The following TENM3 variants were observed in gnomAD, a reference collection of about 807,000 sequenced individuals.
TENM3 encodes the protein teneurin transmembrane protein 3.
TENM3 carries 63 observed loss-of-function variants against 255.1 expected under a neutral mutation model. The observed-to-expected ratio is 0.25, with a 90% CI of 0.20 to 0.30. The LOEUF is 0.30. Among genes scored for constraint, TENM3 ranks in the 10% least tolerant of loss-of-function variants. TENM3 has a pLI of 1.00. For synonymous variants in TENM3, 1,306 were observed against 1,322.3 expected, an observed-to-expected ratio of 0.99 and a Z score of 0.27; for missense variants, 2,929 against 3,461.1, an observed-to-expected ratio of 0.85 and a Z score of 3.86.
intron 15 of TENM3, 32 bp downstream of exon 15, chr4:182,730,351 G>T (rs928937993): frequency 6.2e-7 from 1 of 1,609,920 alleles, no homozygotes; most frequent in South Asian, 1.1e-5. Flanking sequence ...ATCTCTGAAG[G>T]ATTTGAAATA....
chr4:181,994,750 C>G, the TENM3 span, among the ~76,000 whole-genome samples: 1 of 151,834 alleles, frequency 6.6e-6, no homozygotes, highest in African/African-American at 2.4e-5. Context: ...TGTTAGTCTC[C>G]AAGATTAAAG....
chr4:182,689,188 G>A (rs1371402094), intron 12 of TENM3, among the ~76,000 whole-genome samples: 2 of 152,054 alleles, frequency 1.3e-5, no homozygotes, highest in Non-Finnish European at 1.5e-5. Context: ...TAAGTGGCAC[G>A]GTCCTACCAA....
chr4:181,829,991 C>T, the TENM3 span: 1 of 152,246 alleles, frequency 6.6e-6, no homozygotes, highest in South Asian at 2.1e-4. Flanking sequence ...AGGTGTGCTT[C>T]TGGGGTCCCT....
intron 1 of TENM3, among the ~76,000 whole-genome samples, chr4:182,170,744 T>C (rs1435047337): frequency 1.3e-5 from 2 of 152,226 alleles, no homozygotes; most frequent in African/African-American, 2.4e-5. Context: ...GTAAGATTTA[T>C]AGCAGAAATT....
At chr4:182,064,798 A>G in the TENM3 span, among the ~76,000 whole-genome samples, 1 of 152,252 alleles carries the variant, frequency 6.6e-6, no homozygotes, top group Admixed American at 6.5e-5. Flanking sequence ...ACGAGGACAC[A>G]ACAGGAGTGT....
At chr4:182,512,708 G>A (rs1289363780) in intron 3 of TENM3, among the ~76,000 whole-genome samples, 1 of 152,128 alleles carries the variant, frequency 6.6e-6, no homozygotes, top group Non-Finnish European at 1.5e-5. Context: ...CCAGATAGTC[G>A]TGACCTGGTC....
chr4:182,004,095 T>A, the TENM3 span, among the ~76,000 whole-genome samples: 1 of 151,582 alleles, frequency 6.6e-6, no homozygotes, highest in African/African-American at 2.4e-5. Flanking sequence ...TTATTTCTTC[T>A]AAAAAAACAA....
At chr4:181,503,840 G>A in the TENM3 span, among the ~76,000 whole-genome samples, 4 of 152,180 alleles carry the variant, frequency 2.6e-5, no homozygotes, top group Admixed American at 6.5e-5. Flanking sequence ...GACCACAGTA[G>A]CTGCATTCGC....
chr4:181,499,822 T>C, the TENM3 span, among the ~76,000 whole-genome samples: 1 of 152,134 alleles, frequency 6.6e-6, no homozygotes, highest in Non-Finnish European at 1.5e-5. Context: ...GTTTTATACT[T>C]GGGATAAAAG....
the TENM3 span, among the ~76,000 whole-genome samples, chr4:181,604,076 A>C: frequency 6.6e-6 from 1 of 152,124 alleles, no homozygotes; most frequent in African/African-American, 2.4e-5. Flanking sequence ...CATCCTGGTT[A>C]ACACGGTGAA....
intron 3 of TENM3, among the ~76,000 whole-genome samples, chr4:182,529,078 G>A (rs910958494): frequency 2.6e-5 from 4 of 152,194 alleles, no homozygotes; most frequent in African/African-American, 9.7e-5. Flanking sequence ...ACTCACTTTG[G>A]CTTATGAACT....
chr4:182,183,845 A>G (rs1012726914), intron 1 of TENM3, among the ~76,000 whole-genome samples: 1 of 152,178 alleles, frequency 6.6e-6, no homozygotes, highest in African/African-American at 2.4e-5. Context: ...TTTACATTCT[A>G]GTCTTCAGTG....
chr4:182,361,094 G>A (rs1181346005), intron 3 of TENM3, among the ~76,000 whole-genome samples: 1 of 152,154 alleles, frequency 6.6e-6, no homozygotes, highest in Non-Finnish European at 1.5e-5. Context: ...GAGATCCGCT[G>A]TTAGTCTGAT....
At chr4:182,075,147 A>G in the TENM3 span, among the ~76,000 whole-genome samples, 2 of 151,824 alleles carry the variant, frequency 1.3e-5, no homozygotes, top group Non-Finnish European at 2.9e-5. Context: ...CAGACGTGGC[A>G]GAGTGGCAGA....
chr4:182,452,188 T>G (rs1773515953), intron 3 of TENM3, among the ~76,000 whole-genome samples: 1 of 152,238 alleles, frequency 6.6e-6, no homozygotes, highest in African/African-American at 2.4e-5. Flanking sequence ...ACCTAACACT[T>G]GAGAAATAGG....
chr4:181,730,615 G>A, the TENM3 span, among the ~76,000 whole-genome samples: 1 of 152,154 alleles, frequency 6.6e-6, no homozygotes, highest in Non-Finnish European at 1.5e-5. Flanking sequence ...AGTGCAGTGC[G>A]ACCAGATAGA....
rs1561154229 is a variant in TENM3, at chr4:182,161,899, A to ATATATGTGTG, written c.-76+17150_-76+17151insGTGTGTATAT. 1.4e-4 allele frequency among the ~76,000 whole-genome samples: 5 copies of ATATATGTGTG among 36,636 alleles called. 1 individual carries two copies. Among genetic ancestry groups the ATATATGTGTG allele is most frequent in the Non-Finnish European group, 3.0e-4 (5 of 16,768 alleles). 24.0% of individuals were successfully genotyped at this position (36,636 alleles called of 152,430 possible). The stretch of plus-strand genomic sequence containing the variant: ...TATATATATACACACATATATGTGT[A>ATATATGTGTG]TATATACACACACATGTATGTGTAT... On this transcript the variant is annotated intron_variant, in intron 1 of 2. Coordinates refer to the TENM3 transcript ENST00000512480.
intron 3 of TENM3, among the ~76,000 whole-genome samples, chr4:182,440,823 T>G (rs2151254240): frequency 6.6e-6 from 1 of 150,378 alleles, no homozygotes; most frequent in South Asian, 2.1e-4. Context: ...CTCTAGAGGT[T>G]TTTTTTTTTT....
At chr4:181,749,955 C>A in the TENM3 span, among the ~76,000 whole-genome samples, 3 of 152,282 alleles carry the variant, frequency 2.0e-5, no homozygotes, top group African/African-American at 7.2e-5. Flanking sequence ...TCTCTGGATT[C>A]ATCTCTGTGT....
Sources: gnomAD v4.1 joint callset for allele counts (sites outside exome capture counted in the v4.1 genomes callset) on GRCh38, gnomAD v4.1.1 for gene constraint, MANE v1.5 for transcripts, NCBI Gene and HGNC (gene_info 2026-07-23, HGNC 2026-07-21) for gene names.